Variants in EFCAB5 observed in about 807,000 individuals in gnomAD.
EFCAB5 encodes EF-hand calcium binding domain 5.
EFCAB5 carries 131 observed loss-of-function variants against 167.9 expected under a neutral mutation model. The ratio of observed to expected loss-of-function variants is 0.78; its 90% CI spans 0.68 to 0.90. The LOEUF is 0.90. EFCAB5 is among the 40% of genes least tolerant of loss of function. The pLI is 0.00. For synonymous variants in EFCAB5, 574 were observed against 602.8 expected, an observed-to-expected ratio of 0.95 and a Z score of 0.70; for missense variants, 1,663 against 1,745.2, an observed-to-expected ratio of 0.95 and a Z score of 0.84.
intron 14 of EFCAB5, chr17:30,073,877 A>G (rs1272633753): frequency 1.1e-5 from 4 of 360,504 alleles, no homozygotes; most frequent in Non-Finnish European, 2.1e-5. Context: ...CCTGGGTAAC[A>G]TTGCAAAAAC....
intron 2 of EFCAB5, among the ~76,000 whole-genome samples, chr17:29,942,830 G>A (rs899725132): frequency 1.3e-5 from 2 of 152,130 alleles, no homozygotes; most frequent in Non-Finnish European, 2.9e-5. Context: ...TTGAGGTCAG[G>A]AGTTCAAGAC....
At chr17:30,022,085 T>A (rs2069193444) in intron 7 of EFCAB5, among the ~76,000 whole-genome samples, 1 of 152,148 alleles carries the variant, frequency 6.6e-6, no homozygotes, top group Non-Finnish European at 1.5e-5. Flanking sequence ...GCGTATCTGT[T>A]TTCTGATGGA....
intron 8 of EFCAB5, among the ~76,000 whole-genome samples, chr17:30,039,661 A>G (rs2069716433): frequency 6.6e-6 from 1 of 152,174 alleles, no homozygotes; most frequent in African/African-American, 2.4e-5. Flanking sequence ...TGCCGACTTA[A>G]AGCCATACCT....
intron 3 of EFCAB5, among the ~76,000 whole-genome samples, chr17:29,955,690 C>A (rs1597577172): frequency 6.6e-6 from 1 of 152,190 alleles, no homozygotes; most frequent in Middle Eastern, 3.4e-3. Context: ...AAAAACATTT[C>A]ATGCTCATGT....
At chr17:29,955,971 T>C (rs2067607265) in intron 3 of EFCAB5, among the ~76,000 whole-genome samples, 1 of 151,988 alleles carries the variant, frequency 6.6e-6, no homozygotes, top group Admixed American at 6.6e-5. Context: ...AGCAGACAAA[T>C]AGACCAATGG....
At chr17:29,997,430 G>A (rs1475102691) in intron 6 of EFCAB5, among the ~76,000 whole-genome samples, 3 of 151,322 alleles carry the variant, frequency 2.0e-5, no homozygotes, top group Non-Finnish European at 4.4e-5. Flanking sequence ...TTGACATTTT[G>A]GAATAGGGCA....
chr17:30,053,137 A>G (rs570274726), intron 9 of EFCAB5, 118 bp from the exon 10 acceptor site: 2 of 1,152,926 alleles, frequency 1.7e-6, no homozygotes, highest in South Asian at 3.5e-5. Context: ...ATTTATTTAG[A>G]GCAATAGGCC....
chr17:30,071,575 T>C (rs924980769), intron 14 of EFCAB5, among the ~76,000 whole-genome samples: 1 of 152,030 alleles, frequency 6.6e-6, no homozygotes, highest in Non-Finnish European at 1.5e-5. Flanking sequence ...AGAGCCACTA[T>C]TGAAAACAGT....
chr17:29,930,330 G>A, intron 1 of EFCAB5: 1 of 358,624 alleles, frequency 2.8e-6, no homozygotes, highest in Non-Finnish European at 5.1e-6. Context: ...AGCTGGCCGA[G>A]TGCGTGCGCC....
chr17:30,100,095 C>T (rs2071361117), intron 22 of EFCAB5, among the ~76,000 whole-genome samples: 1 of 152,158 alleles, frequency 6.6e-6, no homozygotes, highest in Non-Finnish European at 1.5e-5. Context: ...TGGTTCTAGG[C>T]TTTCTCCACT....
At chr17:29,973,827 A>G (rs2068009343) in intron 4 of EFCAB5, among the ~76,000 whole-genome samples, 1 of 151,610 alleles carries the variant, frequency 6.6e-6, no homozygotes, top group Admixed American at 6.6e-5. Flanking sequence ...TGACATTGAC[A>G]TAATTACTGA....
At chr17:29,993,096 C>G in intron 4 of EFCAB5, 69 bp from the exon 5 acceptor site, 1 of 1,395,146 alleles carries the variant, frequency 7.2e-7, no homozygotes, top group South Asian at 1.7e-5. Context: ...AGTCTGAATT[C>G]CTGTGTTCCA....
At chr17:30,078,192 G>A in intron 14 of EFCAB5, 23 bp from the exon 15 acceptor site, 1 of 1,589,090 alleles carries the variant, frequency 6.3e-7, no homozygotes, top group African/African-American at 1.3e-5. Flanking sequence ...GTTAGTTCTT[G>A]GTTTCGTGTT....
intron 14 of EFCAB5, among the ~76,000 whole-genome samples, chr17:30,062,909 C>T (rs1276576482): frequency 6.6e-6 from 1 of 152,212 alleles, no homozygotes; most frequent in Non-Finnish European, 1.5e-5. Flanking sequence ...AAACTCCCTG[C>T]ATCCCAAGAA....
chr17:30,086,035 G>A (rs1230808092), intron 18 of EFCAB5, among the ~76,000 whole-genome samples: 1 of 151,816 alleles, frequency 6.6e-6, no homozygotes, highest in East Asian at 1.9e-4. Context: ...TCACTCTGTT[G>A]CCCAGGCTGA....
chr17:30,085,149 C>A (rs1184658956), intron 18 of EFCAB5, among the ~76,000 whole-genome samples: 2 of 152,074 alleles, frequency 1.3e-5, no homozygotes, highest in Admixed American at 1.3e-4. Flanking sequence ...CTGACTGATA[C>A]GAATTATAAA....
Position 30,056,055 on chromosome 17 carries a change from T to C in EFCAB5, c.2273-9T>C, listed in dbSNP as rs367930114. ...TTGATTGGCTATGTTATGGAATGTGTTTTTACAGGTGAATTTTTTACTTGT... is the reference window on the plus strand; with the variant it reads ...TTGATTGGCTATGTTATGGAATGTGCTTTTACAGGTGAATTTTTTACTTGT... On this transcript the variant is annotated splice_polypyrimidine_tract_variant and intron_variant, in intron 11 of 22. Transcript: ENST00000394835. The C allele has an allele frequency of 5.6e-6, 9 of 1,612,918 alleles. No individual in the cohort carries two copies. The African/African-American group carries it at 1.2e-4, about 22-fold the overall frequency.
At chr17:29,930,070 G>T in intron 1 of EFCAB5, 2 of 1,318,672 alleles carry the variant, frequency 1.5e-6, no homozygotes, top group Non-Finnish European at 2.1e-6. Flanking sequence ...GGGTGACGGA[G>T]CCGGGATGGG....
chr17:29,961,539 A>C (rs2067720374), intron 3 of EFCAB5, among the ~76,000 whole-genome samples: 1 of 152,102 alleles, frequency 6.6e-6, no homozygotes, highest in Admixed American at 6.6e-5. Flanking sequence ...AGCCAGTGGC[A>C]TGAAGATTTT....
Sources: gnomAD v4.1 joint callset for allele counts (sites outside exome capture counted in the v4.1 genomes callset) on GRCh38, gnomAD v4.1.1 for gene constraint, MANE v1.5 for transcripts, NCBI Gene and HGNC (gene_info 2026-07-23, HGNC 2026-07-21) for gene names.